DNAAF5: variants seen among roughly 807,000 people sequenced by gnomAD.
DNAAF5 encodes the protein dynein axonemal assembly factor 5.
In DNAAF5, 64 loss-of-function variants were observed where a neutral mutation model predicts 75.8. The observed-to-expected ratio is 0.84, with a 90% CI of 0.69 to 1.04. The LOEUF (loss-of-function observed/expected upper bound fraction) is 1.04. Among genes scored for constraint, DNAAF5 ranks in the 50% least tolerant of loss-of-function variants. The pLI, the probability that DNAAF5 is intolerant of heterozygous loss-of-function variation, is 0.00. For missense variants in DNAAF5, 1,269 were observed against 1,178.5 expected (o/e 1.08, Z -1.12); for synonymous variants, 657 against 557.2 (o/e 1.18, Z -2.52).
At chr7:781,747 T>G (rs915720224) in intron 12 of DNAAF5, among the ~76,000 whole-genome samples, 1 of 152,222 alleles carries the variant, frequency 6.6e-6, no homozygotes, top group Non-Finnish European at 1.5e-5. Flanking sequence ...GGAGCGGTGG[T>G]GGTGGGCACC....
At chr7:739,514 A>G (rs1293976776) in intron 2 of DNAAF5, among the ~76,000 whole-genome samples, 1 of 152,210 alleles carries the variant, frequency 6.6e-6, no homozygotes, top group Non-Finnish European at 1.5e-5. Flanking sequence ...GGTTGCTAGT[A>G]AGGCCCTGTG....
At chr7:727,982 C>T (rs1026060782) in intron 1 of DNAAF5, among the ~76,000 whole-genome samples, 1 of 151,776 alleles carries the variant, frequency 6.6e-6, no homozygotes, top group Non-Finnish European at 1.5e-5. Flanking sequence ...GTTGAGGGCA[C>T]GCGCTTTGAG....
At chr7:757,018 G>C (rs1275962964) in intron 6 of DNAAF5, 24 bp downstream of exon 6, 4 of 1,582,486 alleles carry the variant, frequency 2.5e-6, no homozygotes, top group African/African-American at 2.7e-5. Flanking sequence ...GGAGATGCGG[G>C]AGTGGAGAGG....
chr7:767,668 G>A (rs936394091), intron 8 of DNAAF5, among the ~76,000 whole-genome samples: 2 of 152,192 alleles, frequency 1.3e-5, no homozygotes, highest in African/African-American at 4.8e-5. Flanking sequence ...TGTCCGTGCT[G>A]CAAGCAGGAA....
At chr7:784,227 T>A (rs1171733299) in intron 12 of DNAAF5, among the ~76,000 whole-genome samples, 1 of 152,152 alleles carries the variant, frequency 6.6e-6, no homozygotes, top group Non-Finnish European at 1.5e-5. Flanking sequence ...TCTTGGTCTT[T>A]CCCTCGCCCA....
At chr7:768,604 C>G (rs1166603189) in intron 8 of DNAAF5, 1 of 152,270 alleles carries the variant, frequency 6.6e-6, no homozygotes, top group East Asian at 2.0e-4. Context: ...GAAGTGTCCA[C>G]GCCTACCTCG....
At chr7:777,162 A>G (rs1288973543) in intron 11 of DNAAF5, among the ~76,000 whole-genome samples, 1 of 152,206 alleles carries the variant, frequency 6.6e-6, no homozygotes, top group Non-Finnish European at 1.5e-5. Context: ...ATGTAGTCAT[A>G]GAAATAACGT....
At chr7:773,923 G>A (rs908156986) in intron 9 of DNAAF5, 125 bp from the exon 10 acceptor site, 3 of 1,062,652 alleles carry the variant, frequency 2.8e-6, no homozygotes, top group Middle Eastern at 2.0e-4. Context: ...GAGGGGCCTC[G>A]TGTTTTGGGG....
At chr7:729,928 G>C in intron 2 of DNAAF5, 81 bp downstream of exon 2, 1 of 1,396,340 alleles carries the variant, frequency 7.2e-7, no homozygotes. Context: ...TAACTCACTT[G>C]TTCTTTTTTC....
Position 767,816 on chromosome 7 carries a change from C to G in DNAAF5, c.1784-2655C>G, listed in dbSNP as rs114452909. On this transcript the variant is annotated intron_variant, in intron 8 of 12. Transcript: ENST00000297440. ...CAGGAGCTCCCGCTGGGAGGGCAGA[C>G]ACGTGGTCCGGGTGGAAGTGTCCCT... 3.0e-3 allele frequency among the ~76,000 whole-genome samples: 447 copies of G among 149,534 alleles called. 5 individuals carry two copies. Among genetic ancestry groups the G allele is most frequent in the African/African-American group, 0.011 (430 of 40,304 alleles).
chr7:784,268 C>T (rs1376625012), intron 12 of DNAAF5, among the ~76,000 whole-genome samples: 2 of 152,234 alleles, frequency 1.3e-5, no homozygotes, highest in Non-Finnish European at 2.9e-5. Flanking sequence ...TCTGCTGTGT[C>T]TGCACCGCTC....
At chr7:757,381 G>A (rs1782520504) in intron 6 of DNAAF5, among the ~76,000 whole-genome samples, 1 of 152,252 alleles carries the variant, frequency 6.6e-6, no homozygotes. Flanking sequence ...CATGCTGCTG[G>A]GGGTAGATGT....
chr7:754,634 T>C lies in DNAAF5; in HGVS notation c.1070T>C (p.Leu357Pro). 1 of 1,614,118 alleles carries C rather than the reference T, an allele frequency of 6.2e-7. No individual in the cohort carries two copies. The highest frequency in any genetic ancestry group is 8.5e-7 in the Non-Finnish European group (1 of 1,180,010). Residue 357 changes from leucine (L) to proline (P), a missense_variant, in exon 5 of 13, where the codon CTC (leucine) becomes CCC (proline). By Grantham distance (98) the Leu-to-Pro change is moderately conservative. Coordinates refer to ENST00000297440, the MANE Select transcript of DNAAF5 (RefSeq NM_017802.4). The surrounding 1 kb of genome is among the most constrained non-coding windows in gnomAD (Gnocchi z 4.8). ...TGCCGGGAGCTCGTCTTCAGGAACC[T>C]CTCCAAGATCCTCCCTGCCCTGTGC... ...LGCRELVFRN[L>P]SKILPALCHD... is the part of the protein sequence containing the mutation.
chr7:770,385 G>A, intron 8 of DNAAF5, 86 bp from the exon 9 acceptor site: 2 of 1,300,282 alleles, frequency 1.5e-6, no homozygotes, highest in Non-Finnish European at 2.1e-6. Flanking sequence ...TCCCAGGTGG[G>A]AGCGCCTGAG....
intron 12 of DNAAF5, among the ~76,000 whole-genome samples, chr7:783,633 A>G (rs989283561): frequency 2.0e-5 from 3 of 152,202 alleles, no homozygotes; most frequent in African/African-American, 4.8e-5. Context: ...TTGGAGACCA[A>G]TTGGAAATTG....
intron 5 of DNAAF5, among the ~76,000 whole-genome samples, chr7:755,632 G>A (rs1168394246): frequency 1.3e-5 from 2 of 151,270 alleles, no homozygotes; most frequent in East Asian, 1.9e-4. Context: ...CCGGGAGGCT[G>A]AGGTGGGAGG....
At chr7:761,646 C>T in intron 6 of DNAAF5, 107 bp from the exon 7 acceptor site, 1 of 1,178,994 alleles carries the variant, frequency 8.5e-7, no homozygotes, top group Non-Finnish European at 1.2e-6. Context: ...CCACAGGGTC[C>T]CTCCCAGGAT....
intron 2 of DNAAF5, chr7:732,596 T>C (rs1205323275): frequency 2.2e-6 from 1 of 456,118 alleles, no homozygotes; most frequent in Admixed American, 2.3e-5. Context: ...GATGAGTGTT[T>C]GTCACGTTCC....
chr7:729,705 T>G lies in DNAAF5; in HGVS notation c.638T>G (p.Met213Arg), dbSNP rs1303575362. The G allele has an allele frequency of 6.2e-7, 1 of 1,613,980 alleles. No homozygotes were observed. The highest frequency in any genetic ancestry group is 2.2e-5 in the East Asian group (1 of 44,898). Residue 213 changes from methionine (M) to arginine (R), a missense_variant, in exon 2 of 13, where the codon ATG (methionine) becomes AGG (arginine). Transcript: ENST00000297440. The stretch of plus-strand genomic sequence containing the variant: ...TCGGAGTCTCTGATCGGGCCCCTGA[T>G]GCAGACCATCTCCCACCAGCACTGG... ...MQSESLIGPLMQTISHQHWKV... is the reference protein window; with the variant it reads ...MQSESLIGPLRQTISHQHWKV...
Sources: gnomAD v4.1 joint callset for allele counts (sites outside exome capture counted in the v4.1 genomes callset) on GRCh38, gnomAD v4.1.1 for gene constraint, Gnocchi (gnomAD v3.1) non-coding constraint, MANE v1.5 for transcripts, NCBI Gene and HGNC (gene_info 2026-07-23, HGNC 2026-07-21) for gene names.